ANKRD60: variants seen among roughly 807,000 people sequenced by gnomAD.
ANKRD60 encodes the protein ankyrin repeat domain-containing protein 60.
In ANKRD60, 24 loss-of-function variants were observed where a neutral mutation model predicts 21.3. The ratio of observed to expected loss-of-function variants is 1.13; its 90% confidence interval spans 0.82 to 1.59. ANKRD60 has a LOEUF of 1.59. Among genes scored for constraint, ANKRD60 ranks in the 40% most tolerant of loss-of-function variants. The probability of loss-of-function intolerance (pLI) is 0.00; values close to 1 mark genes in which losing one functional copy is unlikely to be tolerated. For synonymous variants in ANKRD60, 182 were observed against 199.4 expected (o/e 0.91, Z 0.74); for missense variants, 490 against 466.7 (o/e 1.05, Z -0.46).
chr20:58,216,141 G>A (rs927511498), downstream of ANKRD60, among the ~76,000 whole-genome samples: 1 of 152,150 alleles, frequency 6.6e-6, no homozygotes, highest in Admixed American at 6.5e-5. Flanking sequence ...CTATGGCTCT[G>A]GATATATTTT....
chr20:58,227,792 C>CCTTGGGTT (rs1984394881), intron 1 of ANKRD60, among the ~76,000 whole-genome samples: 1 of 152,136 alleles, frequency 6.6e-6, no homozygotes, highest in Admixed American at 6.5e-5. Context: ...GGGGGTTCTG[C>CCTTGGGTT]TGAGGACAGG....
intron 3 of ANKRD60, among the ~76,000 whole-genome samples, chr20:58,220,342 G>A (rs981088901): frequency 3.3e-5 from 5 of 152,284 alleles, no homozygotes; most frequent in African/African-American, 1.2e-4. Flanking sequence ...CGCATTGAGT[G>A]GTCTGCATCT....
intron 3 of ANKRD60, among the ~76,000 whole-genome samples, chr20:58,220,125 G>A (rs2122802581): frequency 6.6e-6 from 1 of 152,338 alleles, no homozygotes; most frequent in South Asian, 2.1e-4. Context: ...AAGGCTGTGA[G>A]TAGGAAAGAA....
intron 1 of ANKRD60, among the ~76,000 whole-genome samples, chr20:58,226,286 C>A (rs1984362269): frequency 6.6e-6 from 1 of 151,932 alleles, no homozygotes. Flanking sequence ...AAGGTCTGTT[C>A]TGGGATTTGG....
At chr20:58,220,517 G>GAGAGAGAA (rs1213549998) in intron 3 of ANKRD60, among the ~76,000 whole-genome samples, 3 of 152,112 alleles carry the variant, frequency 2.0e-5, no homozygotes, top group Non-Finnish European at 4.4e-5. Flanking sequence ...GAGAGAGAGA[G>GAGAGAGAA]AGAGAGTGGA....
chr20:58,221,411 C>T (rs1207411698), exon 3 of ANKRD60: 1 of 1,552,364 alleles, frequency 6.4e-7, no homozygotes, highest in South Asian at 1.2e-5. Flanking sequence ...CAAACGCCCT[C>T]TGAGACGTCC....
Position 58,223,327 on chromosome 20 carries a change from C to T in ANKRD60, c.431-145G>A, listed in dbSNP as rs116609386. 6.4e-5 allele frequency: 48 copies of T among 746,846 alleles called. No homozygotes were observed. The African/African-American group carries it at 6.9e-4, about 11-fold the overall frequency. The allele number at this position is 746,846 out of a possible 1,614,324, so 46.3% of individuals were successfully genotyped here. A position where few individuals can be genotyped will look rare whatever the true frequency, so the allele number is the denominator to read the frequency against. On this transcript the variant is annotated intron_variant, in intron 1 of 3. Transcript: ENST00000457363. ...ATACAAATCTCATTTGATGGTGTCG[C>T]GTGGGTCTGTCTGTTGTTGGTAATG...
intron 1 of ANKRD60, among the ~76,000 whole-genome samples, chr20:58,223,787 C>T (rs1392911162): frequency 3.3e-5 from 5 of 152,096 alleles, no homozygotes; most frequent in East Asian, 1.9e-4. Context: ...GCTAGCAGCA[C>T]GTTCACCAAA....
At chr20:58,221,545 G>A (rs1248988436) in intron 2 of ANKRD60, 42 bp from the exon 3 acceptor site, 2 of 1,543,708 alleles carry the variant, frequency 1.3e-6, no homozygotes, top group African/African-American at 1.4e-5. Flanking sequence ...TCAAAAGCGT[G>A]GCTACATTTT....
At chr20:58,221,276 T>C in intron 3 of ANKRD60, 62 bp downstream of exon 3, 1 of 1,501,056 alleles carries the variant, frequency 6.7e-7, no homozygotes, top group South Asian at 1.2e-5. Context: ...CAAGACACTC[T>C]GTCCTTTCTA....
downstream of ANKRD60, among the ~76,000 whole-genome samples, chr20:58,216,504 T>C (rs1412344074): frequency 6.6e-6 from 1 of 152,232 alleles, no homozygotes; most frequent in Non-Finnish European, 1.5e-5. Flanking sequence ...ATTAGCTAAA[T>C]GGATTGCCCC....
chr20:58,219,347 T>C (rs1788508185), intron 3 of ANKRD60, among the ~76,000 whole-genome samples: 1 of 152,196 alleles, frequency 6.6e-6, no homozygotes, highest in Admixed American at 6.5e-5. Context: ...TTCACAACAC[T>C]GTGTACATCA....
chr20:58,220,449 A>C (rs1600682630), intron 3 of ANKRD60, among the ~76,000 whole-genome samples: 1 of 151,618 alleles, frequency 6.6e-6, no homozygotes, highest in African/African-American at 2.4e-5. Flanking sequence ...ATTTGGAGAC[A>C]ATGTTGGCTA....
intron 2 of ANKRD60, 71 bp from the exon 3 acceptor site, chr20:58,221,574 C>T: frequency 6.7e-7 from 1 of 1,484,312 alleles, no homozygotes; most frequent in Non-Finnish European, 9.1e-7. Flanking sequence ...GCTGATGGGG[C>T]ATGCTCAGGG....
At chr20:58,222,958 T>G in intron 2 of ANKRD60, 94 bp downstream of exon 2, 5 of 1,377,178 alleles carry the variant, frequency 3.6e-6, no homozygotes, top group Non-Finnish European at 4.8e-6. Context: ...TCTGAAACTG[T>G]TATTCACATA....
chr20:58,221,440 C>G (rs201949633), exon 3 of ANKRD60: 28 of 1,552,084 alleles, frequency 1.8e-5, no homozygotes, highest in South Asian at 4.8e-5. Context: ...CACTTCTCAC[C>G]CTCAAAATGT....
chr20:58,220,489 C>CAGAGAGAGAGAG (rs11469843), intron 3 of ANKRD60, among the ~76,000 whole-genome samples: 1,854 of 144,338 alleles, frequency 0.013, 20 homozygotes, highest in Middle Eastern at 0.021. Flanking sequence ...TCAAGAGAGC[C>CAGAGAGAGAGAG]AGAGAGAGAG....
At chr20:58,221,464 T>C in exon 3 of ANKRD60, 2 of 1,551,926 alleles carry the variant, frequency 1.3e-6, no homozygotes, top group Non-Finnish European at 1.7e-6. Context: ...GAATTTGCGG[T>C]TCGGTAGAAG....
chr20:58,218,488 C>T (rs774041744), downstream of ANKRD60: 75 of 1,545,194 alleles, frequency 4.9e-5, no homozygotes, highest in Non-Finnish European at 6.3e-5. Context: ...AACGTTCCCA[C>T]CAGGAGCTAA....
Sources: allele counts gnomAD v4.1 joint callset (sites outside exome capture counted in the v4.1 genomes callset), GRCh38; gene constraint gnomAD v4.1.1; transcripts MANE v1.5; gene names NCBI Gene and HGNC (gene_info 2026-07-23, HGNC 2026-07-21).